The following ABCB5 variants were observed in gnomAD, a reference collection of about 807,000 sequenced individuals.
ABCB5 encodes the protein ATP-binding cassette sub-family B member 5.
ABCB5 carries 155 observed loss-of-function variants against 144.2 expected under a neutral mutation model. The ratio of observed to expected loss-of-function variants is 1.08; its 90% CI spans 0.94 to 1.23. The LOEUF is 1.23. ABCB5 is among the 50% of genes most tolerant of loss of function. The pLI, the probability that ABCB5 is intolerant of heterozygous loss-of-function variation, is 0.00. For synonymous variants in ABCB5, 610 were observed against 528.6 expected, an observed-to-expected ratio of 1.15 and a Z score of -2.11; for missense variants, 1,830 against 1,520.8, an observed-to-expected ratio of 1.20 and a Z score of -3.38.
At chr7:20,625,227 G>A (rs1783884299) in intron 2 of ABCB5, among the ~76,000 whole-genome samples, 1 of 152,152 alleles carries the variant, frequency 6.6e-6, no homozygotes, top group Non-Finnish European at 1.5e-5. Flanking sequence ...ACCTCATGTG[G>A]AATAAAATTA....
At chr7:20,642,839 T>G (rs1474412990) in intron 5 of ABCB5, among the ~76,000 whole-genome samples, 1 of 152,232 alleles carries the variant, frequency 6.6e-6, no homozygotes, top group Non-Finnish European at 1.5e-5. Context: ...TGCTTTTGAC[T>G]GCTATCATTA....
intron 26 of ABCB5, among the ~76,000 whole-genome samples, chr7:20,747,829 T>TA (rs1331302904): frequency 6.6e-6 from 1 of 151,746 alleles, no homozygotes. Context: ...TAAAATAGTT[T>TA]AAAAAAAATC....
chr7:20,643,991 G>T (rs1784350962), intron 7 of ABCB5, among the ~76,000 whole-genome samples: 1 of 152,062 alleles, frequency 6.6e-6, no homozygotes, highest in African/African-American at 2.4e-5. Context: ...AGATCAACAT[G>T]GTACGATTCA....
chr7:20,711,794 T>TCTCTC (rs1562573624), intron 20 of ABCB5, among the ~76,000 whole-genome samples: 1,176 of 85,436 alleles, frequency 0.014, 139 homozygotes, highest in African/African-American at 0.023. Context: ...CTTTCTTTCT[T>TCTCTC]TCTTTCTTTC....
At chr7:20,646,262 C>A in intron 9 of ABCB5, 124 bp downstream of exon 9, 2 of 966,636 alleles carry the variant, frequency 2.1e-6, no homozygotes, top group Non-Finnish European at 3.0e-6. Flanking sequence ...ATATTTGTTT[C>A]CCTCAAATTA....
intron 20 of ABCB5, among the ~76,000 whole-genome samples, chr7:20,721,830 G>A (rs1267331205): frequency 1.3e-5 from 2 of 152,112 alleles, no homozygotes; most frequent in Admixed American, 6.5e-5. Context: ...AGATTCTATT[G>A]TAGTAAATAC....
intron 20 of ABCB5, among the ~76,000 whole-genome samples, chr7:20,717,083 T>C (rs181511183): frequency 4.9e-4 from 74 of 152,196 alleles, no homozygotes; most frequent in South Asian, 1.5e-3. Flanking sequence ...CAGGAGCATT[T>C]AGTATTTAAG....
Position 20,647,617 on chromosome 7 carries a change from C to T in ABCB5, c.1064C>T (p.Ala355Val), listed in dbSNP as rs1413113308. The T allele has an allele frequency of 6.3e-7, 1 of 1,580,050 alleles. No individual in the cohort carries two copies. Among genetic ancestry groups the T allele is most frequent in the Admixed American group, 1.8e-5 (1 of 55,138 alleles). ...HFETFAIARG[A>V]AFHIFQVIDK... Reference sequence around the variant, plus strand: ...GAAACCTTCGCAATAGCCCGAGGAGCTGCCTTTCATATTTTCCAGGTTATT... The same window carrying T: ...GAAACCTTCGCAATAGCCCGAGGAGTTGCCTTTCATATTTTCCAGGTTATT... The change falls in exon 10 of 28, where the codon GCT becomes GTT. Residue 355 changes from alanine (A) to valine (V), a missense_variant. Physicochemically the swap from Ala to Val is moderately conservative, Grantham distance 64 (BLOSUM62 0). Coordinates refer to ENST00000404938, the MANE Select transcript of ABCB5 (RefSeq NM_001163941.2).
chr7:20,705,861 G>A (rs2158853), intron 20 of ABCB5, among the ~76,000 whole-genome samples: 36,244 of 151,352 alleles, frequency 0.24, 4,677 homozygotes, highest in Admixed American at 0.28. Flanking sequence ...CGGCAAGATC[G>A]GATTTATATT....
intron 13 of ABCB5, among the ~76,000 whole-genome samples, chr7:20,656,690 C>A (rs1784802407): frequency 7.8e-6 from 1 of 128,420 alleles, no homozygotes; most frequent in African/African-American, 3.4e-5. Flanking sequence ...TTCTAGAAAG[C>A]AATTTGGCAG....
chr7:20,660,413 G>A, intron 14 of ABCB5: 2 of 985,406 alleles, frequency 2.0e-6, no homozygotes, highest in Non-Finnish European at 2.4e-6. Flanking sequence ...ACTGCTTTAT[G>A]TATGGTTTGC....
intron 14 of ABCB5, among the ~76,000 whole-genome samples, chr7:20,677,603 C>A (rs528836555): frequency 6.6e-6 from 1 of 152,206 alleles, no homozygotes; most frequent in Non-Finnish European, 1.5e-5. Context: ...GTGGTGCACG[C>A]CTGTAATTCC....
At chr7:20,700,401 C>A (rs1162721548) in intron 19 of ABCB5, among the ~76,000 whole-genome samples, 1 of 152,182 alleles carries the variant, frequency 6.6e-6, no homozygotes, top group Non-Finnish European at 1.5e-5. Flanking sequence ...ACAAATCTTT[C>A]TTTTAATGAA....
chr7:20,672,260 G>A (rs1785474200), intron 14 of ABCB5, among the ~76,000 whole-genome samples: 1 of 151,550 alleles, frequency 6.6e-6, no homozygotes, highest in South Asian at 2.1e-4. Context: ...CTAGGGCTTG[G>A]CTTTCTATTG....
At chr7:20,726,988 A>G in intron 21 of ABCB5, 52 bp from the exon 22 acceptor site, 1 of 1,319,224 alleles carries the variant, frequency 7.6e-7, no homozygotes. Flanking sequence ...AAATGGGAAA[A>G]GATTAACCAT....
chr7:20,700,556 A>G (rs1160810808), intron 19 of ABCB5, among the ~76,000 whole-genome samples: 1 of 152,200 alleles, frequency 6.6e-6, no homozygotes, highest in Non-Finnish European at 1.5e-5. Context: ...TTGACTCTAC[A>G]CTTCTTAAAG....
At chr7:20,647,264 A>G (rs900604327) in intron 9 of ABCB5, 1 of 1,147,794 alleles carries the variant, frequency 8.7e-7, no homozygotes, top group African/African-American at 1.6e-5. Context: ...AGCATGTGAT[A>G]ACCACAAGAC....
chr7:20,714,038 CTTGT>C (rs1467883024), intron 20 of ABCB5, among the ~76,000 whole-genome samples: 2 of 152,180 alleles, frequency 1.3e-5, no homozygotes, highest in African/African-American at 4.8e-5. Context: ...CAGGGGTCAC[CTTGT>C]TTGTTTGCCA....
intron 1 of ABCB5, among the ~76,000 whole-genome samples, chr7:20,620,003 G>A (rs1783775615): frequency 1.3e-5 from 2 of 152,004 alleles, no homozygotes; most frequent in African/African-American, 4.8e-5. Flanking sequence ...TTATTTCTGG[G>A]TCCTGAATTC....
Sources: gnomAD v4.1 joint callset for allele counts (sites outside exome capture counted in the v4.1 genomes callset) on GRCh38, gnomAD v4.1.1 for gene constraint, MANE v1.5 for transcripts, NCBI Gene and HGNC (gene_info 2026-07-23, HGNC 2026-07-21) for gene names.